TP73: variants seen among roughly 807,000 people sequenced by gnomAD.
TP73 encodes tumor protein p73.
TP73 carries 25 observed loss-of-function variants against 62.5 expected under a neutral mutation model. The observed-to-expected ratio is 0.40, with a 90% CI of 0.29 to 0.56. The LOEUF (loss-of-function observed/expected upper bound fraction) is 0.56, where lower values mean the gene tolerates loss of function less well. TP73 is among the 20% of genes least tolerant of loss of function. The pLI is 0.46. For missense variants in TP73, 754 were observed against 913.3 expected (o/e 0.83, Z 2.25); for synonymous variants, 423 against 377.5 (o/e 1.12, Z -1.40).
Position 3,728,155 on chromosome 1 carries a change from C to CCA in TP73, c.1013_1014insAC (p.Ala339ProfsTer7). 1 of 1,611,734 alleles carries CCA rather than the reference C, an allele frequency of 6.2e-7. No individual in the cohort carries two copies. Among genetic ancestry groups the CCA allele is most frequent in the Non-Finnish European group, 8.5e-7 (1 of 1,179,954 alleles). On this transcript the variant is annotated frameshift_variant, in exon 9 of 14. Transcript: ENST00000378295. LOFTEE classifies it high-confidence loss of function. ...CTTCAAGCAGAGCCCCCCTGCCGTC[C>CCA]CCGCCCTTGGTGCCGGTGTGAAGAA...
At position 3,733,158 on chromosome 1, in the gene TP73, T is replaced by C; in HGVS notation, c.*79T>C. The C allele has an allele frequency of 7.0e-7, 1 of 1,425,540 alleles. No homozygotes were observed. 88.3% of individuals were successfully genotyped at this position (1,425,540 alleles called of 1,614,324 possible). A position where few individuals can be genotyped will look rare whatever the true frequency, so the allele number is the denominator to read the frequency against. ...CCTCTCCTTCCTGTGTGTCCAAAAC[T>C]GCCTCAGGAGGCAGGACCTTCGGGC... On this transcript the variant is annotated 3_prime_UTR_variant, in exon 14 of 14. Transcript: ENST00000378295.
chr1:3,676,692 C>G (rs902064193), intron 1 of TP73, among the ~76,000 whole-genome samples: 10 of 151,976 alleles, frequency 6.6e-5, no homozygotes, highest in Admixed American at 6.6e-5. Context: ...CTCCTCAGCC[C>G]TCAGTAGCTT....
At chr1:3,655,336 G>A (rs1016874982) in intron 1 of TP73, among the ~76,000 whole-genome samples, 3 of 152,114 alleles carry the variant, frequency 2.0e-5, no homozygotes, top group African/African-American at 7.2e-5. Context: ...GCAGTGAGCC[G>A]AGATCACCCC....
Position 3,733,156 on chromosome 1 carries a change from A to T in TP73, c.*77A>T. On this transcript the variant is annotated 3_prime_UTR_variant, in exon 14 of 14. Coordinates refer to ENST00000378295, the MANE Select transcript of TP73 (RefSeq NM_005427.4). ...CCCCTCTCCTTCCTGTGTGTCCAAA[A>T]CTGCCTCAGGAGGCAGGACCTTCGG... 1 of 1,430,256 alleles carries T rather than the reference A, an allele frequency of 7.0e-7. No homozygotes were observed. The highest frequency in any genetic ancestry group is 1.8e-4 in the Middle Eastern group (1 of 5,566). The allele number at this position is 1,430,256 out of a possible 1,614,324, so 88.6% of individuals were successfully genotyped here.
chr1:3,727,347 GC>G lies in TP73; in HGVS notation c.842+124del, dbSNP rs1641733302. The G allele has an allele frequency of 1.4e-5, 15 of 1,075,010 alleles. No homozygotes were observed. The South Asian group carries it at 2.4e-4, about 17-fold the overall frequency. 66.6% of individuals were successfully genotyped at this position (1,075,010 alleles called of 1,614,324 possible). ...GCTTGGGGAAGAGACTTTGGGGTGTGCTGCTGGAGGAAGGAACCGCCCCCTG... is the reference window on the plus strand; with the variant it reads ...GCTTGGGGAAGAGACTTTGGGGTGTGTGCTGGAGGAAGGAACCGCCCCCTG... On this transcript the variant is annotated intron_variant, in intron 7 of 13. Transcript: ENST00000378295.
At chr1:3,686,454 G>T (rs1645658523) in intron 3 of TP73, among the ~76,000 whole-genome samples, 1 of 152,182 alleles carries the variant, frequency 6.6e-6, no homozygotes. Context: ...AGAGCCCTTT[G>T]GGAGGTGGCA....
intron 1 of TP73, among the ~76,000 whole-genome samples, chr1:3,658,469 C>T (rs1319457951): frequency 6.6e-6 from 1 of 152,132 alleles, no homozygotes; most frequent in Non-Finnish European, 1.5e-5. Flanking sequence ...GGGGCCTGGG[C>T]TTCTGGGGAG....
At chr1:3,703,030 C>G (rs980268761) in intron 3 of TP73, among the ~76,000 whole-genome samples, 2 of 152,188 alleles carry the variant, frequency 1.3e-5, no homozygotes, top group Non-Finnish European at 2.9e-5. Context: ...GACCAGAGTC[C>G]CCCGAGCCAG....
chr1:3,680,251 C>G (rs537468723), intron 1 of TP73, among the ~76,000 whole-genome samples: 1 of 152,216 alleles, frequency 6.6e-6, no homozygotes, highest in Non-Finnish European at 1.5e-5. Context: ...TTCATGGCCG[C>G]GTAATGTTCC....
chr1:3,658,915 G>A (rs566105493), intron 1 of TP73: 113 of 149,774 alleles, frequency 7.5e-4, no homozygotes, highest in African/African-American at 2.6e-3. Flanking sequence ...TTGGGGTGGC[G>A]TATTCTGGTC....
Position 3,731,488 on chromosome 1 carries a change from A to G in TP73, c.1510A>G (p.Asn504Asp), listed in dbSNP as rs1642136560. The change falls in exon 13 of 14, where the codon AAC (asparagine) becomes GAC (aspartate). Residue 504 changes from asparagine to aspartate, a missense_variant. Coordinates refer to ENST00000378295, the MANE Select transcript of TP73 (RefSeq NM_005427.4). Reference sequence around the variant, plus strand: ...TTTTTTAACAGGATTGGGGTGTCCAAACTGCATCGAGTATTTCACCTCCCA... The same window carrying G: ...TTTTTTAACAGGATTGGGGTGTCCAGACTGCATCGAGTATTTCACCTCCCA... ...VSFLTGLGCP[N>D]CIEYFTSQGL... The G allele has an allele frequency of 1.1e-5, 17 of 1,613,776 alleles. No individual in the cohort carries two copies. Among genetic ancestry groups the G allele is most frequent in the Middle Eastern group, 1.6e-4 (1 of 6,062 alleles).
At chr1:3,678,451 T>C (rs1288535218) in intron 1 of TP73, among the ~76,000 whole-genome samples, 1 of 152,218 alleles carries the variant, frequency 6.6e-6, no homozygotes, top group Non-Finnish European at 1.5e-5. Flanking sequence ...GTGAGGCCGG[T>C]TGGGGGAGCC....
intron 3 of TP73, among the ~76,000 whole-genome samples, chr1:3,685,266 C>G (rs550404356): frequency 1.1e-4 from 16 of 152,170 alleles, no homozygotes; most frequent in African/African-American, 3.4e-4. Context: ...TCCCCAGCCC[C>G]GGAGGGTTCC....
In TP73 at chr1:3,730,024, C is replaced by T. The variant is rs372266463; in HGVS notation, c.1221C>T (p.Tyr407=). The change falls in exon 11 of 14, where the codon TAC becomes TAT. Residue 407 remains tyrosine (Y), a synonymous_variant. Transcript: ENST00000378295. ...GGAGTCACCTACAGCCCCCGTCCTA[C>T]GGGCCGGTCCTCTCGCCCATGAACA... ...QRPSHLQPPS[Y]GPVLSPMNKV... The T allele has an allele frequency of 2.4e-5, 39 of 1,606,962 alleles. No homozygotes were observed. The highest frequency in any genetic ancestry group is 6.7e-5 in the African/African-American group (5 of 74,826).
chr1:3,679,291 G>A (rs1237924577), intron 1 of TP73, among the ~76,000 whole-genome samples: 4 of 152,200 alleles, frequency 2.6e-5, no homozygotes, highest in Admixed American at 1.3e-4. Context: ...ATGTTTTGCC[G>A]ACCAGTTCCT....
intron 3 of TP73, among the ~76,000 whole-genome samples, chr1:3,702,473 C>A (rs1196264940): frequency 7.0e-6 from 1 of 143,268 alleles, no homozygotes; most frequent in African/African-American, 3.0e-5. Flanking sequence ...CACACCCCAG[C>A]CCCCAGCCCC....
At chr1:3,700,626 C>T (rs151288057) in intron 3 of TP73, among the ~76,000 whole-genome samples, 2,112 of 152,182 alleles carry the variant, frequency 0.014, 49 homozygotes, top group African/African-American at 0.048. Flanking sequence ...GTGAAACCCC[C>T]GTCTCTACTA....
At chr1:3,723,295 CCTAGCACAGGGGTGGGCACCTCTAT>C in intron 5 of TP73, 34 bp from the exon 6 acceptor site, 1 of 1,429,304 alleles carries the variant, frequency 7.0e-7, no homozygotes, top group Non-Finnish European at 9.8e-7. Context: ...CCTCTCTGCA[CCTAGCACAGGGGTGGGCACCTCTAT>C]GCACCTCTCT....
chr1:3,715,914 C>T (rs1325248641), intron 4 of TP73, among the ~76,000 whole-genome samples: 1 of 152,100 alleles, frequency 6.6e-6, no homozygotes, highest in Non-Finnish European at 1.5e-5. Flanking sequence ...GTGCATGGGA[C>T]GAGGATCGAG....
Sources: gnomAD v4.1 joint callset for allele counts (sites outside exome capture counted in the v4.1 genomes callset) on GRCh38, gnomAD v4.1.1 for gene constraint, MANE v1.5 for transcripts, NCBI Gene and HGNC (gene_info 2026-07-23, HGNC 2026-07-21) for gene names.